Variants in EYS observed in about 807,000 individuals in gnomAD.
EYS encodes protein eyes shut homolog.
Under a neutral mutation model 282.1 loss-of-function variants are expected in EYS, and 250 were observed. The observed-to-expected ratio is 0.89, with a 90% confidence interval of 0.80 to 0.98. EYS has a LOEUF of 0.98. Ranked by LOEUF, EYS falls within the 50% of genes least tolerant of loss-of-function variation. The pLI is 0.00. For missense variants in EYS, 4,016 were observed against 3,709.0 expected, an observed-to-expected ratio of 1.08 and a Z score of -2.15; for synonymous variants, 1,355 against 1,282.9, an observed-to-expected ratio of 1.06 and a Z score of -1.20.
chr6:63,887,291 AAGAGG>A (rs1011909651), intron 35 of EYS, among the ~76,000 whole-genome samples: 3 of 150,966 alleles, frequency 2.0e-5, no homozygotes, highest in Non-Finnish European at 4.4e-5. Context: ...CCTTAACTAA[AAGAGG>A]AAAGAGGAAT....
intron 31 of EYS, among the ~76,000 whole-genome samples, chr6:64,203,406 AGT>A (rs1446004157): frequency 6.6e-6 from 1 of 152,188 alleles, no homozygotes; most frequent in African/African-American, 2.4e-5. Flanking sequence ...CACGAGCCAG[AGT>A]GAGGACATAT....
Position 64,450,589 on chromosome 6 carries a change from T to C in EYS, c.5645-11237A>G, listed in dbSNP as rs538459950. ...GCACCACACCACACCTATTCCAAAA[T>C]TGACCACATACTTGGAAGTAAAGCA... On this transcript the variant is annotated intron_variant, in intron 26 of 42. Coordinates refer to ENST00000503581, the MANE Select transcript of EYS (RefSeq NM_001142800.2). Among the ~76,000 whole-genome samples the C allele has an allele frequency of 6.6e-5, 10 of 152,218 alleles. No individual in the cohort carries two copies. The South Asian group carries it at 1.0e-3, about 16-fold the overall frequency.
intron 22 of EYS, among the ~76,000 whole-genome samples, chr6:64,673,616 C>T (rs1424202064): frequency 6.6e-6 from 1 of 152,044 alleles, no homozygotes; most frequent in Admixed American, 6.5e-5. Flanking sequence ...CGAGACTATT[C>T]ATGATAAAGC....
At chr6:65,592,732 T>A (rs1765272842) in intron 2 of EYS, among the ~76,000 whole-genome samples, 2 of 152,014 alleles carry the variant, frequency 1.3e-5, no homozygotes, top group Non-Finnish European at 2.9e-5. Flanking sequence ...AGTTTAAAAT[T>A]AAACTACACA....
chr6:64,301,711 C>T (rs1769244636), intron 30 of EYS, among the ~76,000 whole-genome samples: 1 of 152,160 alleles, frequency 6.6e-6, no homozygotes, highest in South Asian at 2.1e-4. Context: ...CTTGCCCTTC[C>T]TGCTGATAAA....
chr6:64,342,916 A>G (rs541775959), intron 29 of EYS, among the ~76,000 whole-genome samples: 56 of 152,198 alleles, frequency 3.7e-4, no homozygotes, highest in African/African-American at 1.2e-3. Flanking sequence ...CTAGTCTTGG[A>G]TAAAACAGAC....
intron 31 of EYS, among the ~76,000 whole-genome samples, chr6:64,155,095 C>T (rs920400342): frequency 4.6e-5 from 7 of 152,154 alleles, no homozygotes; most frequent in Non-Finnish European, 7.3e-5. Context: ...GAATGGGCAT[C>T]TGCATGCATT....
chr6:64,248,229 G>A (rs1017110511), intron 30 of EYS, among the ~76,000 whole-genome samples: 12 of 150,484 alleles, frequency 8.0e-5, no homozygotes, highest in Middle Eastern at 3.2e-3. Context: ...GTATAGGTGC[G>A]TCTTGAGAGA....
In EYS at chr6:65,107,002, C is replaced by G. The variant is rs1050393365; in HGVS notation, c.2024-49275G>C. On this transcript the variant is annotated intron_variant, in intron 12 of 42. Coordinates refer to ENST00000503581, the MANE Select transcript of EYS (RefSeq NM_001142800.2). ...AACATTTCAGTGCTGCTCCTCACCC[C>G]CGCTCCTCCCAGCCAGCATCAACAT... is the stretch of plus-strand genomic sequence containing the variant. 5.9e-5 allele frequency among the ~76,000 whole-genome samples: 9 copies of G among 151,958 alleles called. No homozygotes were observed. In the South Asian group the frequency reaches 1.2e-3, roughly 21 times the overall value.
At chr6:64,675,581 C>T (rs976012538) in intron 22 of EYS, among the ~76,000 whole-genome samples, 2 of 151,804 alleles carry the variant, frequency 1.3e-5, no homozygotes, top group African/African-American at 4.8e-5. Flanking sequence ...AGGTGCCCAC[C>T]CCCATACCTG....
chr6:64,513,641 G>A (rs902414727), intron 26 of EYS, among the ~76,000 whole-genome samples: 1 of 151,726 alleles, frequency 6.6e-6, no homozygotes, highest in South Asian at 2.1e-4. Flanking sequence ...TAAATCATCA[G>A]GAACATTTGA....
intron 36 of EYS, among the ~76,000 whole-genome samples, chr6:63,831,508 G>T (rs1345541327): frequency 6.6e-6 from 1 of 152,136 alleles, no homozygotes. Context: ...TCAACAAAAA[G>T]AGCTAACTAT....
chr6:65,581,209 C>A (rs1237218600), intron 2 of EYS, among the ~76,000 whole-genome samples: 1 of 152,006 alleles, frequency 6.6e-6, no homozygotes, highest in African/African-American at 2.4e-5. Flanking sequence ...TCACCCACCC[C>A]ATCCTTTATT....
At position 65,344,069 on chromosome 6, in the gene EYS, G is replaced by A. The variant is rs556989074; in HGVS notation, c.1568C>T (p.Ser523Leu). The change falls in exon 10 of 43, where the codon TCA (serine) becomes TTA (leucine). Residue 523 changes from serine to leucine, a missense_variant. By Grantham distance (145) the Ser-to-Leu change is moderately radical. Coordinates refer to ENST00000503581, the MANE Select transcript of EYS (RefSeq NM_001142800.2). ...YVNDPEDNNS[S>L]CWFPHEGTKE... ...TGTGCCTTCATGTGGGAACCAACAT[G>A]AAGAATTATTATCTTCAGGATCGTT... 4 of 1,610,744 alleles carry A rather than the reference G, an allele frequency of 2.5e-6. No homozygotes were observed. In the Admixed American group the frequency reaches 5.0e-5, roughly 20 times the overall value.
At chr6:65,221,427 T>G (rs1169007673) in intron 12 of EYS, among the ~76,000 whole-genome samples, 3 of 152,160 alleles carry the variant, frequency 2.0e-5, no homozygotes, top group African/African-American at 4.8e-5. Flanking sequence ...GGGGGCAACA[T>G]AGAGCTCAGG....
At chr6:64,350,318 T>C (rs188183808) in intron 29 of EYS, among the ~76,000 whole-genome samples, 4 of 126,986 alleles carry the variant, frequency 3.1e-5, no homozygotes, top group Non-Finnish European at 5.2e-5. Context: ...ATAGTAACTA[T>C]GACAAGCCCT....
At chr6:64,137,654 G>A (rs112072480) in intron 31 of EYS, among the ~76,000 whole-genome samples, 2,950 of 152,168 alleles carry the variant, frequency 0.019, 82 homozygotes, top group African/African-American at 0.067. Context: ...AGAATTACTG[G>A]TTGGTGGAAC....
chr6:64,273,607 C>T (rs1364494846), intron 30 of EYS, among the ~76,000 whole-genome samples: 1 of 152,088 alleles, frequency 6.6e-6, no homozygotes, highest in African/African-American at 2.4e-5. Context: ...ACAGCTCCTT[C>T]TTCCTCTTGT....
chr6:65,669,735 C>T (rs1768321158), intron 1 of EYS, among the ~76,000 whole-genome samples: 1 of 151,896 alleles, frequency 6.6e-6, no homozygotes, highest in Non-Finnish European at 1.5e-5. Flanking sequence ...TCCTGTTTCC[C>T]TCATTACTAT....
Sources: allele counts gnomAD v4.1 joint callset (sites outside exome capture counted in the v4.1 genomes callset), GRCh38; gene constraint gnomAD v4.1.1; transcripts MANE v1.5; gene names NCBI Gene and HGNC (gene_info 2026-07-23, HGNC 2026-07-21).